The following FRMD6 variants were observed in gnomAD, a reference collection of about 807,000 sequenced individuals.
FRMD6 encodes the protein FERM domain-containing protein 6.
In FRMD6, 37 loss-of-function variants were observed where a neutral mutation model predicts 73.2. The ratio of observed to expected loss-of-function variants is 0.51; its 90% CI spans 0.39 to 0.66. FRMD6 has a LOEUF of 0.66. Among genes scored for constraint, FRMD6 ranks in the 30% least tolerant of loss-of-function variants. The pLI, the probability that FRMD6 is intolerant of heterozygous loss-of-function variation, is 0.00. For synonymous variants in FRMD6, 273 were observed against 282.2 expected (o/e 0.97, Z 0.33); for missense variants, 714 against 780.5 (o/e 0.91, Z 1.02).
intron 2 of FRMD6, among the ~76,000 whole-genome samples, chr14:51,577,559 A>T (rs1888471944): frequency 6.6e-6 from 1 of 152,214 alleles, no homozygotes; most frequent in South Asian, 2.1e-4. Context: ...AAAAATAAAC[A>T]ACGTCAATTT....
chr14:51,694,035 A>G (rs1895780466), intron 2 of FRMD6, among the ~76,000 whole-genome samples: 4 of 152,198 alleles, frequency 2.6e-5, no homozygotes, highest in Admixed American at 2.6e-4. Context: ...ATTTTTTCAT[A>G]ATTTCTCTCT....
At chr14:51,608,154 A>G (rs1890340905) in intron 2 of FRMD6, among the ~76,000 whole-genome samples, 1 of 152,226 alleles carries the variant, frequency 6.6e-6, no homozygotes, top group South Asian at 2.1e-4. Flanking sequence ...CTAGGAGCCT[A>G]CGAGCTGTGA....
At chr14:51,486,139 A>G (rs567222357), upstream of FRMD6, among the ~76,000 whole-genome samples, 1 of 151,088 alleles carries the variant, frequency 6.6e-6, no homozygotes, top group South Asian at 2.1e-4. Context: ...GGTTCACGTC[A>G]TTCTCCTGCC....
chr14:51,575,621 T>C (rs915639957), intron 2 of FRMD6: 1 of 152,238 alleles, frequency 6.6e-6, no homozygotes, highest in African/African-American at 2.4e-5. Context: ...CTTAGAGATT[T>C]TTTTTCTTCT....
chr14:51,554,935 G>A (rs1338291739), intron 1 of FRMD6: 1 of 152,162 alleles, frequency 6.6e-6, no homozygotes, highest in Non-Finnish European at 1.5e-5. Context: ...CTGGGCACAT[G>A]GTACATGGGA....
At position 51,689,835 on chromosome 14, in the gene FRMD6, C is replaced by G. The variant is rs745395256; in HGVS notation, c.-2C>G. ...CCTGACCACCAGAGTGCCCAAAACA[C>G]AATGAACAAATTGAATTTTCATAAC... is the stretch of plus-strand genomic sequence containing the variant. On this transcript the variant is annotated 5_prime_UTR_variant, in exon 2 of 14. Coordinates refer to ENST00000344768, the MANE Select transcript of FRMD6 (RefSeq NM_001267046.2). 7 of 1,605,432 alleles carry G rather than the reference C, an allele frequency of 4.4e-6. No individual in the cohort carries two copies. The East Asian group carries it at 1.6e-4, about 36-fold the overall frequency.
At chr14:51,433,285 G>C in the FRMD6 span, among the ~76,000 whole-genome samples, 16 of 152,270 alleles carry the variant, frequency 1.1e-4, no homozygotes, top group African/African-American at 3.4e-4. Flanking sequence ...ATTGGAATCA[G>C]TCTAAATGCC....
intron 1 of FRMD6, among the ~76,000 whole-genome samples, chr14:51,569,939 C>A (rs1241715964): frequency 6.6e-6 from 1 of 152,026 alleles, no homozygotes; most frequent in Non-Finnish European, 1.5e-5. Context: ...CCTCAGCCTC[C>A]CGAGTAGCTG....
chr14:51,404,067 A>G, the FRMD6 span, among the ~76,000 whole-genome samples: 1 of 152,228 alleles, frequency 6.6e-6, no homozygotes, highest in South Asian at 2.1e-4. Flanking sequence ...CATGTTATAC[A>G]TGTCATCACT....
chr14:51,558,422 T>C, intron 1 of FRMD6, among the ~76,000 whole-genome samples: 1 of 150,852 alleles, frequency 6.6e-6, no homozygotes. Context: ...GAGCCGAGAT[T>C]GCACCACTGC....
chr14:51,411,912 G>T, the FRMD6 span, among the ~76,000 whole-genome samples: 3 of 152,254 alleles, frequency 2.0e-5, no homozygotes, highest in East Asian at 5.8e-4. Flanking sequence ...TAAAAGGAAA[G>T]CATGCTCAAT....
chr14:51,606,016 T>A (rs562314573), intron 2 of FRMD6, among the ~76,000 whole-genome samples: 1 of 152,280 alleles, frequency 6.6e-6, no homozygotes, highest in African/African-American at 2.4e-5. Flanking sequence ...GCCAGAAGTA[T>A]GATGGGTTAG....
chr14:51,637,679 C>T (rs990155090), intron 2 of FRMD6: 14 of 152,034 alleles, frequency 9.2e-5, no homozygotes, highest in African/African-American at 3.4e-4. Context: ...AAATGGAGAA[C>T]AGAAAAACAT....
Position 51,701,074 on chromosome 14 carries a change from TGGA to T in FRMD6, c.211_213del (p.Glu71del). ...TGTACAGATAATGAACATGTGTATATGGAGTTGTCACAAAAGCTTTACAAATAT... is the reference window on the plus strand; with the variant it reads ...TGTACAGATAATGAACATGTGTATATGTTGTCACAAAAGCTTTACAAATAT... On this transcript the variant is annotated inframe_deletion, in exon 4 of 14. Transcript: ENST00000344768. The T allele has an allele frequency of 3.8e-6, 6 of 1,564,284 alleles. No homozygotes were observed. Among genetic ancestry groups the T allele is most frequent in the Non-Finnish European group, 5.2e-6 (6 of 1,148,052 alleles).
the FRMD6 span, among the ~76,000 whole-genome samples, chr14:51,417,072 GA>G: frequency 6.6e-6 from 1 of 152,090 alleles, no homozygotes; most frequent in Non-Finnish European, 1.5e-5. Context: ...TGGGTCTCCT[GA>G]ATACAGCACT....
At chr14:51,547,663 T>C (rs943571540) in intron 1 of FRMD6, 1 of 152,220 alleles carries the variant, frequency 6.6e-6, no homozygotes, top group African/African-American at 2.4e-5. Flanking sequence ...TTTCTTATAA[T>C]ATCCCACCCA....
the FRMD6 span, among the ~76,000 whole-genome samples, chr14:51,462,820 G>A: frequency 6.6e-6 from 1 of 152,084 alleles, no homozygotes. Flanking sequence ...GGGAGAGAGA[G>A]AAAGGGAGAA....
intron 1 of FRMD6, among the ~76,000 whole-genome samples, chr14:51,501,041 C>T (rs1258192844): frequency 6.6e-6 from 1 of 152,120 alleles, no homozygotes; most frequent in African/African-American, 2.4e-5. Flanking sequence ...CTTCCCTGTT[C>T]CTCCTTCCTA....
intron 2 of FRMD6, among the ~76,000 whole-genome samples, chr14:51,613,426 C>T (rs1263380298): frequency 6.6e-6 from 1 of 152,084 alleles, no homozygotes; most frequent in Non-Finnish European, 1.5e-5. Flanking sequence ...CTAATATGTT[C>T]AATTTGTAGG....
Sources: allele counts gnomAD v4.1 joint callset (sites outside exome capture counted in the v4.1 genomes callset), GRCh38; gene constraint gnomAD v4.1.1; transcripts MANE v1.5; gene names NCBI Gene and HGNC (gene_info 2026-07-23, HGNC 2026-07-21).